The following DDX60L variants were observed in gnomAD, a reference collection of about 807,000 sequenced individuals.
DDX60L encodes the protein probable ATP-dependent RNA helicase DDX60-like.
DDX60L carries 191 observed loss-of-function variants against 211.6 expected under a neutral mutation model. The observed-to-expected ratio is 0.90, with a 90% CI of 0.80 to 1.02. The LOEUF (loss-of-function observed/expected upper bound fraction) is 1.02, where lower values mean the gene tolerates loss of function less well. Ranked by LOEUF, DDX60L falls within the 50% of genes least tolerant of loss-of-function variation. The probability of loss-of-function intolerance (pLI) is 0.00; values close to 1 mark genes in which losing one functional copy is unlikely to be tolerated. For synonymous variants in DDX60L, 706 were observed against 694.1 expected, an observed-to-expected ratio of 1.02 and a Z score of -0.27; for missense variants, 2,007 against 1,984.1, an observed-to-expected ratio of 1.01 and a Z score of -0.22.
chr4:168,465,967 C>T (rs1435683631), intron 4 of DDX60L, among the ~76,000 whole-genome samples: 1 of 151,832 alleles, frequency 6.6e-6, no homozygotes, highest in Non-Finnish European at 1.5e-5. Context: ...TCTAAATAAT[C>T]CACCAGTCAA....
At chr4:168,410,234 A>C (rs762464499) in intron 22 of DDX60L, among the ~76,000 whole-genome samples, 3 of 152,182 alleles carry the variant, frequency 2.0e-5, no homozygotes, top group East Asian at 1.9e-4. Context: ...AAGAAGATTA[A>C]TTCCATCCAT....
rs1339795329 is a variant in DDX60L, at chr4:168,448,643, G to A, written c.1133C>T (p.Thr378Ile). Residue 378 changes from threonine to isoleucine, a missense_variant, in exon 9 of 38, where the codon ACT becomes ATT. Physicochemically the swap from Thr to Ile is moderately conservative, Grantham distance 89 (BLOSUM62 -1). Transcript: ENST00000682922. ...NIAFYYEFES[T>I]QEPHLNLGDS... is the part of the protein sequence containing the mutation. ...AATGCATATTCAGGTACTACCTTGA[G>A]TACTTTCAAATTCATAGTAGAAGGC... is the stretch of plus-strand genomic sequence containing the variant. The A allele has an allele frequency of 1.8e-5, 27 of 1,540,042 alleles. No homozygotes were observed. Among genetic ancestry groups the A allele is most frequent in the Non-Finnish European group, 2.4e-5 (27 of 1,126,594 alleles).
intron 5 of DDX60L, 63 bp from the exon 6 acceptor site, chr4:168,458,071 G>A: frequency 1.0e-6 from 1 of 964,742 alleles, no homozygotes; most frequent in South Asian, 1.8e-5. Context: ...TGTAAAATAT[G>A]AGACACTTGA....
intron 29 of DDX60L, chr4:168,390,629 A>T: frequency 3.2e-6 from 2 of 617,626 alleles, no homozygotes; most frequent in Non-Finnish European, 4.7e-6. Context: ...CTAGGCAAAG[A>T]TTATTGTCAG....
chr4:168,474,094 T>C (rs972578424), intron 1 of DDX60L, among the ~76,000 whole-genome samples: 1 of 152,182 alleles, frequency 6.6e-6, no homozygotes, highest in African/African-American at 2.4e-5. Flanking sequence ...TAGGAGCTTA[T>C]CATTTAGTGG....
rs748244648 is a variant in DDX60L at position 168,405,936 on chromosome 4, AGT to A, written c.3213+12_3213+13del. On this transcript the variant is annotated intron_variant, in intron 24 of 37. Transcript: ENST00000682922. ...AATTAAGTGAAACTTTGTCCAAGAA[AGT>A]GTGAAAATTACCTTCTTCACTTGGC... 20 of 1,555,056 alleles carry A rather than the reference AGT, an allele frequency of 1.3e-5. No homozygotes were observed. The East Asian group carries it at 3.7e-4, about 29-fold the overall frequency.
At chr4:168,478,104 G>A (rs12331730) in intron 1 of DDX60L, among the ~76,000 whole-genome samples, 9,212 of 151,494 alleles carry the variant, frequency 0.061, 925 homozygotes, top group African/African-American at 0.21. Context: ...GGAGGGGAGG[G>A]GAAAAGAGGA....
intron 14 of DDX60L, among the ~76,000 whole-genome samples, chr4:168,426,802 C>G (rs1164493970): frequency 2.0e-5 from 3 of 152,216 alleles, no homozygotes; most frequent in Non-Finnish European, 4.4e-5. Flanking sequence ...ATTCTCTCCA[C>G]ACTTTTTGAA....
intron 26 of DDX60L, among the ~76,000 whole-genome samples, chr4:168,398,325 G>A (rs1414743084): frequency 1.3e-5 from 2 of 152,208 alleles, no homozygotes; most frequent in Admixed American, 1.3e-4. Context: ...CCAGGTGTGT[G>A]CACGCTCAGG....
intron 7 of DDX60L, among the ~76,000 whole-genome samples, chr4:168,454,995 G>A (rs1756337499): frequency 6.6e-6 from 1 of 151,156 alleles, no homozygotes; most frequent in African/African-American, 2.4e-5. Flanking sequence ...ATGATCAGTG[G>A]GGGTAGATAT....
At chr4:168,459,977 C>T (rs1434005143) in intron 5 of DDX60L, among the ~76,000 whole-genome samples, 1 of 151,954 alleles carries the variant, frequency 6.6e-6, no homozygotes, top group African/African-American at 2.4e-5. Flanking sequence ...GAATGTTTCT[C>T]AAAACATGAT....
chr4:168,437,008 C>T (rs1440173359), intron 10 of DDX60L, among the ~76,000 whole-genome samples: 1 of 152,128 alleles, frequency 6.6e-6, no homozygotes, highest in African/African-American at 2.4e-5. Flanking sequence ...CAGGAGATCC[C>T]TTAAGGGTTC....
Position 168,390,345 on chromosome 4 carries a change from G to A in DDX60L, c.3915+1195C>T, listed in dbSNP as rs1322896416. 8 of 1,169,258 alleles carry A rather than the reference G, an allele frequency of 6.8e-6. 1 individual carries two copies. In the South Asian group the frequency reaches 1.7e-4, roughly 25 times the overall value. 72.4% of individuals were successfully genotyped at this position (1,169,258 alleles called of 1,614,324 possible). On this transcript the variant is annotated intron_variant, in intron 29 of 37. Transcript: ENST00000682922. ...AAAGACTGAAAAATTCCAGCTCAGGGACTTCCTGTTTTTCATAACAGAACA... is the reference window on the plus strand; with the variant it reads ...AAAGACTGAAAAATTCCAGCTCAGGAACTTCCTGTTTTTCATAACAGAACA...
intron 32 of DDX60L, among the ~76,000 whole-genome samples, 199 bp from the exon 33 acceptor site, chr4:168,378,674 T>C (rs142495857): frequency 6.6e-6 from 1 of 152,164 alleles, no homozygotes; most frequent in Non-Finnish European, 1.5e-5. Context: ...TTATATTCTG[T>C]GCCTTGTTTT....
At chr4:168,445,726 T>C (rs1377445951) in intron 9 of DDX60L, among the ~76,000 whole-genome samples, 2 of 150,410 alleles carry the variant, frequency 1.3e-5, no homozygotes, top group Non-Finnish European at 3.0e-5. Flanking sequence ...TGGTTCAATA[T>C]ACACAAATCA....
Position 168,420,302 on chromosome 4 carries a change from C to T in DDX60L, c.2473G>A (p.Ala825Thr). 6.2e-7 allele frequency: 1 copy of T among 1,608,426 alleles called. No homozygotes were observed. Residue 825 changes from alanine to threonine, a missense_variant, in exon 18 of 38, where the codon GCT becomes ACT. Ala to Thr is a moderately conservative substitution (Grantham distance 58). Transcript: ENST00000682922. ...TTGTGACAATAATCTCTTGTAAAAG[C>T]ACCGCATAGAGTTCTGCCGGCAGGC... The part of the protein sequence containing the change: ...TLPAGRTLCG[A>T]FTRDYCHNVL...
intron 1 of DDX60L, among the ~76,000 whole-genome samples, chr4:168,474,250 GTCAT>G (rs537421113): frequency 6.4e-4 from 97 of 152,294 alleles, no homozygotes; most frequent in Admixed American, 3.3e-3. Context: ...GAATGGAGTG[GTCAT>G]TCAAAGAGCC....
chr4:168,426,837 C>T (rs551865710), intron 14 of DDX60L, among the ~76,000 whole-genome samples: 4 of 152,296 alleles, frequency 2.6e-5, no homozygotes, highest in Admixed American at 2.0e-4. Context: ...ATACTCTCCT[C>T]ATTTCTTTTT....
chr4:168,407,450 T>C (rs1747943375), intron 22 of DDX60L, among the ~76,000 whole-genome samples: 2 of 152,210 alleles, frequency 1.3e-5, no homozygotes, highest in Non-Finnish European at 2.9e-5. Context: ...TCACCACTTC[T>C]TCGAATCCAT....
Sources: gnomAD v4.1 joint callset for allele counts (sites outside exome capture counted in the v4.1 genomes callset) on GRCh38, gnomAD v4.1.1 for gene constraint, MANE v1.5 for transcripts, NCBI Gene and HGNC (gene_info 2026-07-23, HGNC 2026-07-21) for gene names.